The following NR3C1 variants were observed in gnomAD, a reference collection of about 807,000 sequenced individuals.
The protein encoded by NR3C1 is glucocorticoid receptor.
Under a neutral mutation model 74.0 loss-of-function variants are expected in NR3C1, and 14 were observed. The observed-to-expected ratio is 0.19, with a 90% CI of 0.12 to 0.30. The LOEUF is 0.30. Ranked by LOEUF, NR3C1 falls within the 10% of genes least tolerant of loss-of-function variation. The pLI is 1.00. For synonymous variants in NR3C1, 308 were observed against 332.5 expected (o/e 0.93, Z 0.80); for missense variants, 695 against 909.8 (o/e 0.76, Z 3.04).
rs919345752 is a variant in NR3C1, at chr5:143,281,490, A to T, written c.*399T>A. 4.3e-6 allele frequency: 1 copy of T among 234,332 alleles called. No homozygotes were observed. The highest frequency in any genetic ancestry group is 2.3e-5 in the African/African-American group (1 of 42,904). The allele number at this position is 234,332 out of a possible 1,614,324, so 14.5% of individuals were successfully genotyped here. A position where few individuals can be genotyped will look rare whatever the true frequency, so the allele number is the denominator to read the frequency against. On this transcript the variant is annotated 3_prime_UTR_variant, in exon 9 of 9. Transcript: ENST00000394464. ...TATCCTAACTATACAGGGGGGGGAT[A>T]CACCAACAGAAAGTCTAGAAAATTT...
chr5:143,400,628 C>T lies in NR3C1; in HGVS notation c.212G>A (p.Ser71Asn). ...LLVDFPKGSVSNAQQPDLSKA... is the reference protein window; with the variant it reads ...LLVDFPKGSVNNAQQPDLSKA... ...GGACAGATCTGGCTGCTGCGCATTG[C>T]TTACTGAGCCTTTTGGAAAATCAAC... The change falls in exon 2 of 9, where the codon AGC becomes AAC. Residue 71 changes from serine (S) to asparagine (N), a missense_variant. Physicochemically the swap from Ser to Asn is conservative, Grantham distance 46 (BLOSUM62 1). Coordinates refer to ENST00000394464, the MANE Select transcript of NR3C1 (RefSeq NM_000176.3). The T allele has an allele frequency of 6.2e-7, 1 of 1,614,122 alleles. No homozygotes were observed. Among genetic ancestry groups the T allele is most frequent in the Non-Finnish European group, 8.5e-7 (1 of 1,179,946 alleles).
At chr5:143,301,455 T>A (rs1818471058) in intron 4 of NR3C1, among the ~76,000 whole-genome samples, 1 of 152,128 alleles carries the variant, frequency 6.6e-6, no homozygotes, top group Non-Finnish European at 1.5e-5. Flanking sequence ...GTGGGAAATT[T>A]CCCTTTTATA....
chr5:143,306,874 A>ACTTTTTTTTTTT (rs1819708057), intron 4 of NR3C1, among the ~76,000 whole-genome samples: 1 of 82,870 alleles, frequency 1.2e-5, no homozygotes, highest in African/African-American at 5.1e-5. Context: ...GTATGCTTAA[A>ACTTTTTTTTTTT]TTTTTTTTTT....
chr5:143,397,032 G>C (rs1460240037), intron 2 of NR3C1, among the ~76,000 whole-genome samples: 1 of 151,720 alleles, frequency 6.6e-6, no homozygotes, highest in African/African-American at 2.4e-5. Context: ...GGTTTCTCTT[G>C]TTTTACTATA....
rs888587489 is a variant in NR3C1, at chr5:143,314,753, C to T, written c.1185-585G>A. On this transcript the variant is annotated intron_variant, in intron 2 of 8. Coordinates refer to ENST00000394464, the MANE Select transcript of NR3C1 (RefSeq NM_000176.3). Reference sequence around the variant, plus strand: ...TTTTTACAATCTTAAAGTTTTTGTCCCATGTCTCTAATTCCTAATGTCATC... The same window carrying T: ...TTTTTACAATCTTAAAGTTTTTGTCTCATGTCTCTAATTCCTAATGTCATC... Among the ~76,000 whole-genome samples, 9 of 152,050 alleles carry T rather than the reference C, an allele frequency of 5.9e-5. No individual in the cohort carries two copies. In the East Asian group the frequency reaches 1.7e-3, roughly 29 times the overall value.
chr5:143,355,599 A>C (rs957030049), intron 2 of NR3C1, among the ~76,000 whole-genome samples: 1 of 152,196 alleles, frequency 6.6e-6, no homozygotes, highest in Non-Finnish European at 1.5e-5. Flanking sequence ...AAATACATTG[A>C]AAGTAGGGCA....
rs1203667637 is a variant in NR3C1 at position 143,280,451 on chromosome 5, A to C, written c.*1438T>G. On this transcript the variant is annotated 3_prime_UTR_variant, in exon 9 of 9. Transcript: ENST00000394464. ...AATTTGGCCACCTTGAATAGAAATC[A>C]AATTTCTTGTGGCTTAGTAAATATG... The C allele has an allele frequency of 6.6e-6, 1 of 152,626 alleles. No homozygotes were observed. Among genetic ancestry groups the C allele is most frequent in the Non-Finnish European group, 1.5e-5 (1 of 68,038 alleles). 9.5% of individuals were successfully genotyped at this position (152,626 alleles called of 1,614,324 possible). A position where few individuals can be genotyped will look rare whatever the true frequency, so the allele number is the denominator to read the frequency against.
Position 143,310,167 on chromosome 5 carries a change from A to G in NR3C1, c.1398T>C (p.Asp466=), listed in dbSNP as rs1473178782. Residue 466 remains aspartate, a synonymous_variant, in exon 4 of 9, where the codon GAT becomes GAC. Coordinates refer to ENST00000394464, the MANE Select transcript of NR3C1 (RefSeq NM_000176.3). ...CTGGGCAGTTTTTTCTTCGAATTTT[A>G]TCGATGATGCAATCATTCCTTCCAG... is the stretch of plus-strand genomic sequence containing the variant. The part of the protein sequence containing the change: ...LCAGRNDCII[D]KIRRKNCPAC... The G allele has an allele frequency of 6.2e-7, 1 of 1,613,982 alleles. No individual in the cohort carries two copies. The highest frequency in any genetic ancestry group is 1.1e-5 in the South Asian group (1 of 91,080).
intron 7 of NR3C1, among the ~76,000 whole-genome samples, chr5:143,292,246 CTCTCAGTTG>C (rs1816099475): frequency 6.6e-6 from 1 of 151,904 alleles, no homozygotes; most frequent in African/African-American, 2.4e-5. Flanking sequence ...TCTTGCAGCT[CTCTCAGTTG>C]TAATCCACTG....
chr5:143,290,678 G>T (rs1815678848), intron 7 of NR3C1, among the ~76,000 whole-genome samples: 1 of 151,864 alleles, frequency 6.6e-6, no homozygotes, highest in Admixed American at 6.6e-5. Flanking sequence ...AATGATTCTT[G>T]TGCCTCAGCC....
rs1417058440 is a variant in NR3C1 at position 143,279,177 on chromosome 5, A to ATAAT, written c.*2708_*2711dup. 6 of 639,402 alleles carry ATAAT rather than the reference A, an allele frequency of 9.4e-6. 1 individual carries two copies. Among genetic ancestry groups the ATAAT allele is most frequent in the East Asian group, 3.2e-5 (1 of 31,366 alleles). The allele number at this position is 639,402 out of a possible 1,614,324, so 39.6% of individuals were successfully genotyped here. A position where few individuals can be genotyped will look rare whatever the true frequency, so the allele number is the denominator to read the frequency against. The stretch of plus-strand genomic sequence containing the variant: ...ATAGCACTTAAATCCACAATTAAAC[A>ATAAT]TAATTAAGATGACTTTCTTTTCCCC... On this transcript the variant is annotated 3_prime_UTR_variant, in exon 9 of 9. Transcript: ENST00000394464.
At position 143,424,005 on chromosome 5, in the gene NR3C1, T is replaced by C. The variant is rs138729285; in HGVS notation, c.-14+10527A>G. Among the ~76,000 whole-genome samples, 869 of 130,586 alleles carry C rather than the reference T, an allele frequency of 6.7e-3. 23 individuals carry two copies. Among genetic ancestry groups the C allele is most frequent in the Admixed American group, 0.054 (603 of 11,166 alleles). 85.7% of individuals were successfully genotyped at this position (130,586 alleles called of 152,430 possible). A position where few individuals can be genotyped will look rare whatever the true frequency, so the allele number is the denominator to read the frequency against. ...CATATTCTCACTCGTAGGTGGGAATTGAACAATGAGAACACATGGACACAG... is the reference window on the plus strand; with the variant it reads ...CATATTCTCACTCGTAGGTGGGAATCGAACAATGAGAACACATGGACACAG... On this transcript the variant is annotated intron_variant, in intron 1 of 8. Transcript: ENST00000343796.
At chr5:143,401,771 A>G (rs1322313277) in intron 1 of NR3C1, among the ~76,000 whole-genome samples, 2 of 152,254 alleles carry the variant, frequency 1.3e-5, no homozygotes, top group Non-Finnish European at 2.9e-5. Flanking sequence ...CGAAGTACTG[A>G]AAAATGGAAA....
intron 2 of NR3C1, among the ~76,000 whole-genome samples, chr5:143,363,717 AC>A (rs1309503334): frequency 6.6e-6 from 1 of 152,208 alleles, no homozygotes; most frequent in African/African-American, 2.4e-5. Flanking sequence ...ATAAAACTGA[AC>A]CAAAGAGAAA....
rs750532455 is a variant in NR3C1, at chr5:143,400,733, C to A, written c.107G>T (p.Gly36Val). The A allele has an allele frequency of 6.2e-7, 1 of 1,614,204 alleles. No individual in the cohort carries two copies. Among genetic ancestry groups the A allele is most frequent in the South Asian group, 1.1e-5 (1 of 91,088 alleles). ...VMDFYKTLRGGATVKVSASSP... is the reference protein window; with the variant it reads ...VMDFYKTLRGVATVKVSASSP... ...AGACGCAGAAACCTTCACAGTAGCTCCTCCTCTTAGGGTTTTATAGAAGTC... is the reference window on the plus strand; with the variant it reads ...AGACGCAGAAACCTTCACAGTAGCTACTCCTCTTAGGGTTTTATAGAAGTC... The change falls in exon 2 of 9, where the codon GGA becomes GTA. Residue 36 changes from glycine (G) to valine (V), a missense_variant. Gly to Val is a moderately radical substitution (Grantham distance 109). This residue lies in a region of NR3C1 where 497 missense variants were observed against 489.5 expected (regional missense o/e 1.02). Coordinates refer to ENST00000394464, the MANE Select transcript of NR3C1 (RefSeq NM_000176.3).
intron 2 of NR3C1, among the ~76,000 whole-genome samples, chr5:143,319,204 A>G (rs955156230): frequency 6.6e-6 from 1 of 152,150 alleles, no homozygotes; most frequent in African/African-American, 2.4e-5. Flanking sequence ...ATCTTTCTCA[A>G]TCTCAATTGC....
In NR3C1 at chr5:143,294,113, T is replaced by C. The variant is rs1343603375; in HGVS notation, c.2023+1347A>G. On this transcript the variant is annotated intron_variant, in intron 7 of 8. Transcript: ENST00000394464. ...AAAATAACTTTTTGTTGAGCAAAAA[T>C]AGTGTGAAAACATTAAGATGAATGT... is the stretch of plus-strand genomic sequence containing the variant. 4.1e-6 allele frequency: 4 copies of C among 984,988 alleles called. No individual in the cohort carries two copies. In the East Asian group the frequency reaches 4.5e-4, roughly 112 times the overall value. The allele number at this position is 984,988 out of a possible 1,614,324, so 61.0% of individuals were successfully genotyped here.
intron 2 of NR3C1, among the ~76,000 whole-genome samples, chr5:143,373,615 A>T (rs1362416591): frequency 1.3e-5 from 2 of 150,848 alleles, no homozygotes; most frequent in African/African-American, 4.9e-5. Context: ...GTATAATATA[A>T]AAAAAAAAGA....
chr5:143,422,096 T>A (rs1751266257), intron 1 of NR3C1, among the ~76,000 whole-genome samples: 1 of 152,194 alleles, frequency 6.6e-6, no homozygotes, highest in Non-Finnish European at 1.5e-5. Context: ...AGTTTTCTCT[T>A]ACTTTCCCTG....
Sources: allele counts gnomAD v4.1 joint callset (sites outside exome capture counted in the v4.1 genomes callset), GRCh38; gene constraint gnomAD v4.1.1; regional missense constraint gnomAD v4.1.1; transcripts MANE v1.5; gene names NCBI Gene and HGNC (gene_info 2026-07-23, HGNC 2026-07-21).